CORIN: variants seen among roughly 807,000 people sequenced by gnomAD.
The protein encoded by CORIN is corin, serine peptidase, also known as atrial natriuretic peptide-converting enzyme.
CORIN carries 117 observed loss-of-function variants against 125.3 expected under a neutral mutation model. The observed-to-expected ratio is 0.93, with a 90% CI of 0.80 to 1.09. The LOEUF (loss-of-function observed/expected upper bound fraction) is 1.09. Ranked by LOEUF, CORIN falls within the 50% of genes least tolerant of loss-of-function variation. CORIN has a pLI of 0.00. For missense variants in CORIN, 1,253 were observed against 1,306.7 expected, an observed-to-expected ratio of 0.96 and a Z score of 0.63; for synonymous variants, 450 against 466.4, an observed-to-expected ratio of 0.96 and a Z score of 0.45.
chr4:47,819,238 T>C (rs1390569645), intron 1 of CORIN, among the ~76,000 whole-genome samples: 1 of 152,156 alleles, frequency 6.6e-6, no homozygotes, highest in Non-Finnish European at 1.5e-5. Flanking sequence ...CAAGATTTAC[T>C]TGAACATGAA....
chr4:47,712,682 A>G (rs1726905426), intron 5 of CORIN, among the ~76,000 whole-genome samples: 1 of 152,238 alleles, frequency 6.6e-6, no homozygotes, highest in Non-Finnish European at 1.5e-5. Context: ...TAAATTACTT[A>G]AATGTTTACA....
intron 3 of CORIN, among the ~76,000 whole-genome samples, chr4:47,768,010 T>C: frequency 6.6e-6 from 1 of 152,166 alleles, no homozygotes; most frequent in East Asian, 1.9e-4. Context: ...AACTGAAGAA[T>C]CACAAAAGAA....
At chr4:47,644,441 A>C (rs1208578908) in intron 14 of CORIN, among the ~76,000 whole-genome samples, 2 of 152,240 alleles carry the variant, frequency 1.3e-5, no homozygotes, top group Non-Finnish European at 2.9e-5. Flanking sequence ...ATGATAATAA[A>C]AGATAAATGT....
intron 3 of CORIN, among the ~76,000 whole-genome samples, chr4:47,774,966 G>A (rs1730224986): frequency 6.6e-6 from 1 of 152,240 alleles, no homozygotes; most frequent in African/African-American, 2.4e-5. Flanking sequence ...AAGGGGAAAT[G>A]AGGAGTTGCT....
intron 21 of CORIN, among the ~76,000 whole-genome samples, chr4:47,597,368 G>T (rs1243747034): frequency 4.8e-5 from 6 of 124,252 alleles, no homozygotes; most frequent in Non-Finnish European, 1.0e-4. Flanking sequence ...AAAAAAAAAA[G>T]AAGAAGAAAG....
At chr4:47,788,042 G>A (rs536882779) in intron 2 of CORIN, among the ~76,000 whole-genome samples, 27 of 152,294 alleles carry the variant, frequency 1.8e-4, no homozygotes, top group African/African-American at 5.8e-4. Context: ...GAAAGAGATC[G>A]TGTATTTTTA....
intron 8 of CORIN, chr4:47,679,505 A>T (rs1725169687): frequency 6.6e-6 from 1 of 152,408 alleles, no homozygotes; most frequent in African/African-American, 2.4e-5. Context: ...CTGGGACTAC[A>T]GGCACCTGCC....
intron 5 of CORIN, among the ~76,000 whole-genome samples, chr4:47,695,648 G>T (rs979758873): frequency 6.6e-6 from 1 of 152,084 alleles, no homozygotes; most frequent in African/African-American, 2.4e-5. Flanking sequence ...ATCATAAATT[G>T]TTACTGTATT....
intron 13 of CORIN, among the ~76,000 whole-genome samples, chr4:47,651,254 T>C (rs897874402): frequency 3.3e-5 from 5 of 152,270 alleles, no homozygotes; most frequent in Non-Finnish European, 5.9e-5. Flanking sequence ...AATTATTCAG[T>C]AAAGCTCAAA....
chr4:47,739,659 T>C (rs532294221), intron 5 of CORIN, among the ~76,000 whole-genome samples: 149 of 151,460 alleles, frequency 9.8e-4, no homozygotes, highest in African/African-American at 3.3e-3. Flanking sequence ...ATAAAAGAAA[T>C]GTATTTTTTC....
In CORIN at chr4:47,735,897, G is replaced by C. The variant is rs906777630; in HGVS notation, c.799+8505C>G. 9.7e-5 allele frequency among the ~76,000 whole-genome samples: 14 copies of C among 143,852 alleles called. No individual in the cohort carries two copies. In the East Asian group the frequency reaches 2.7e-3, roughly 28 times the overall value. 94.4% of individuals were successfully genotyped at this position (143,852 alleles called of 152,430 possible). ...GCAGAGATCGCGTCACTGCACTCCA[G>C]CCTGGGCGACAGAGACTCCAGCCTG... On this transcript the variant is annotated intron_variant, in intron 5 of 21. Transcript: ENST00000273857.
chr4:47,757,886 A>G (rs979529126), intron 4 of CORIN, among the ~76,000 whole-genome samples: 1 of 142,646 alleles, frequency 7.0e-6, no homozygotes, highest in Non-Finnish European at 1.5e-5. Context: ...ATGTATATAT[A>G]TATATATATA....
rs1577748922 is a variant in CORIN, at chr4:47,623,894, C to T, written c.2365+5G>A. 1.2e-6 allele frequency: 2 copies of T among 1,613,590 alleles called. No individual in the cohort carries two copies. The highest frequency in any genetic ancestry group is 1.7e-6 in the Non-Finnish European group (2 of 1,179,458). ...ATCCCATTGCCACACCTCTAATTCT[C>T]TCACCTTGTTTAGTACACAGAAGAG... is the stretch of plus-strand genomic sequence containing the variant. On this transcript the variant is annotated splice_donor_5th_base_variant and intron_variant, in intron 18 of 21. Coordinates refer to ENST00000273857, the MANE Select transcript of CORIN (RefSeq NM_006587.4).
At position 47,664,061 on chromosome 4, in the gene CORIN, G is replaced by T. The variant is rs374853680; in HGVS notation, c.1589+971C>A. 5.9e-4 allele frequency among the ~76,000 whole-genome samples: 90 copies of T among 152,176 alleles called. 1 individual carries two copies. In the South Asian group the frequency reaches 0.019, roughly 32 times the overall value. On this transcript the variant is annotated intron_variant, in intron 11 of 21. Coordinates refer to ENST00000273857, the MANE Select transcript of CORIN (RefSeq NM_006587.4). ...TACTGCTTTTTAAAAAAAACTCTGC[G>T]TGACTTCTGATCCCAACATATGGTT...
chr4:47,688,418 T>A (rs527264196), intron 6 of CORIN, among the ~76,000 whole-genome samples: 6 of 152,208 alleles, frequency 3.9e-5, no homozygotes, highest in Non-Finnish European at 7.4e-5. Context: ...CTGGGCAACA[T>A]GGCAAAACCT....
At chr4:47,805,794 T>G (rs183432484) in intron 2 of CORIN, among the ~76,000 whole-genome samples, 1 of 152,340 alleles carries the variant, frequency 6.6e-6, no homozygotes, top group Admixed American at 6.5e-5. Flanking sequence ...AGTGTGTAAC[T>G]TCTATAAACC....
intron 16 of CORIN, among the ~76,000 whole-genome samples, chr4:47,628,820 T>C (rs1191198735): frequency 2.0e-5 from 3 of 152,164 alleles, no homozygotes; most frequent in Non-Finnish European, 4.4e-5. Flanking sequence ...TAGTGTTCTA[T>C]TGTGTAAAGA....
intron 5 of CORIN, among the ~76,000 whole-genome samples, chr4:47,734,755 T>A (rs1033447062): frequency 6.6e-6 from 1 of 152,206 alleles, no homozygotes; most frequent in African/African-American, 2.4e-5. Flanking sequence ...TTTTTTGTTG[T>A]GGGAGGCTGT....
At chr4:47,726,672 CAT>C (rs1727611406) in intron 5 of CORIN, among the ~76,000 whole-genome samples, 1 of 152,002 alleles carries the variant, frequency 6.6e-6, no homozygotes, top group African/African-American at 2.4e-5. Context: ...TATACACACA[CAT>C]ACAGTGAATT....
Sources: gnomAD v4.1 joint callset for allele counts (sites outside exome capture counted in the v4.1 genomes callset) on GRCh38, gnomAD v4.1.1 for gene constraint, MANE v1.5 for transcripts, NCBI Gene and HGNC (gene_info 2026-07-23, HGNC 2026-07-21) for gene names.